Variants in GALNT7 observed in about 807,000 individuals in gnomAD.
GALNT7 encodes the protein N-acetylgalactosaminyltransferase 7.
Under a neutral mutation model 82.1 loss-of-function variants are expected in GALNT7, and 60 were observed. That is an observed-to-expected ratio of 0.73 (90% CI 0.59 to 0.91). The LOEUF (loss-of-function observed/expected upper bound fraction) is 0.91. GALNT7 is among the 40% of genes least tolerant of loss of function. GALNT7 has a pLI of 0.00. For synonymous variants in GALNT7, 243 were observed against 275.1 expected, an observed-to-expected ratio of 0.88 and a Z score of 1.15; for missense variants, 660 against 804.2, an observed-to-expected ratio of 0.82 and a Z score of 2.17.
chr4:173,205,351 C>T (rs1561153337), intron 1 of GALNT7, among the ~76,000 whole-genome samples: 1 of 151,992 alleles, frequency 6.6e-6, no homozygotes, highest in East Asian at 1.9e-4. Flanking sequence ...CTGGGATGGG[C>T]CTGGTACCTA....
At position 173,199,428 on chromosome 4, in the gene GALNT7, C is replaced by T. The variant is rs1200905473; in HGVS notation, c.126+30467C>T. Among the ~76,000 whole-genome samples, 9 of 152,254 alleles carry T rather than the reference C, an allele frequency of 5.9e-5. No individual in the cohort carries two copies. In the East Asian group the frequency reaches 1.7e-3, roughly 29 times the overall value. On this transcript the variant is annotated intron_variant, in intron 1 of 11. Coordinates refer to ENST00000265000, the MANE Select transcript of GALNT7 (RefSeq NM_017423.3). The stretch of plus-strand genomic sequence containing the variant: ...ATATGCAAAGTTGTTAGGACAGTGC[C>T]TGGAACATAAGGACCACATGCTAAA...
intron 1 of GALNT7, among the ~76,000 whole-genome samples, chr4:173,189,907 G>T (rs969415024): frequency 3.3e-5 from 5 of 152,010 alleles, no homozygotes; most frequent in African/African-American, 1.2e-4. Context: ...TGTTGACTCT[G>T]TGTGAACTTT....
intron 2 of GALNT7, among the ~76,000 whole-genome samples, chr4:173,268,574 C>G (rs1447783687): frequency 8.5e-6 from 1 of 117,892 alleles, no homozygotes; most frequent in Non-Finnish European, 1.6e-5. Context: ...GAGTCTCGCT[C>G]TGTAGCCCAG....
intron 5 of GALNT7, among the ~76,000 whole-genome samples, chr4:173,296,825 A>G (rs1736733677): frequency 6.6e-6 from 1 of 152,188 alleles, no homozygotes; most frequent in Admixed American, 6.5e-5. Context: ...TCCAGATTCC[A>G]GTGGCAGATT....
chr4:173,286,405 G>A (rs1736324235), intron 2 of GALNT7, among the ~76,000 whole-genome samples: 1 of 152,334 alleles, frequency 6.6e-6, no homozygotes, highest in Non-Finnish European at 1.5e-5. Context: ...ATATTGTATG[G>A]GTTGTAAACA....
intron 2 of GALNT7, among the ~76,000 whole-genome samples, chr4:173,252,963 G>A (rs1734898100): frequency 1.3e-5 from 2 of 152,284 alleles, no homozygotes; most frequent in East Asian, 1.9e-4. Flanking sequence ...ACTTTCAGAG[G>A]CTGAGGTGGG....
rs1346302256 is a variant in GALNT7, at chr4:173,302,715, G to A, written c.1266+551G>A. ...CTACCCCCATTTTCCAAAAGAAAGAGAGAGAGAACTATATCAGAGTGTGAG... is the reference window on the plus strand; with the variant it reads ...CTACCCCCATTTTCCAAAAGAAAGAAAGAGAGAACTATATCAGAGTGTGAG... On this transcript the variant is annotated intron_variant, in intron 7 of 11. Coordinates refer to ENST00000265000, the MANE Select transcript of GALNT7 (RefSeq NM_017423.3). This position sits in a 1 kb window ranked among gnomAD's most constrained non-coding sequence, Gnocchi z 4.2. Among the ~76,000 whole-genome samples the A allele has an allele frequency of 1.3e-5, 2 of 152,188 alleles. No homozygotes were observed. Among genetic ancestry groups the A allele is most frequent in the African/African-American group, 4.8e-5 (2 of 41,450 alleles).
intron 1 of GALNT7, among the ~76,000 whole-genome samples, chr4:173,216,734 T>A (rs1220562677): frequency 1.6e-4 from 16 of 98,884 alleles, no homozygotes; most frequent in African/African-American, 6.2e-4. Context: ...TATATTTTTT[T>A]TTTTTTTTTT....
At chr4:173,267,005 T>C (rs1056204237) in intron 2 of GALNT7, among the ~76,000 whole-genome samples, 4 of 151,396 alleles carry the variant, frequency 2.6e-5, no homozygotes, top group African/African-American at 9.7e-5. Context: ...TAAGTTCTAA[T>C]GGTCAATAGG....
intron 2 of GALNT7, among the ~76,000 whole-genome samples, chr4:173,272,994 G>C (rs539699663): frequency 6.6e-6 from 1 of 152,264 alleles, no homozygotes; most frequent in East Asian, 1.9e-4. Flanking sequence ...ATTACAACCT[G>C]TCTTGCAACC....
At chr4:173,261,798 G>T (rs932113413) in intron 2 of GALNT7, among the ~76,000 whole-genome samples, 1 of 152,064 alleles carries the variant, frequency 6.6e-6, no homozygotes, top group Non-Finnish European at 1.5e-5. Context: ...CAGCCTGGGG[G>T]ACAGAGCCAG....
At chr4:173,233,392 C>T (rs1002596278) in intron 1 of GALNT7, among the ~76,000 whole-genome samples, 3 of 152,158 alleles carry the variant, frequency 2.0e-5, no homozygotes, top group Non-Finnish European at 4.4e-5. Flanking sequence ...TGTTTGCCAG[C>T]ATTGTTATTT....
intron 1 of GALNT7, among the ~76,000 whole-genome samples, chr4:173,187,795 A>G (rs1479119695): frequency 6.6e-6 from 1 of 152,208 alleles, no homozygotes; most frequent in Non-Finnish European, 1.5e-5. Context: ...AATTTTGTTT[A>G]TTAGTCTTAC....
intron 1 of GALNT7, among the ~76,000 whole-genome samples, chr4:173,176,360 G>T (rs1293139547): frequency 6.6e-6 from 1 of 152,184 alleles, no homozygotes; most frequent in African/African-American, 2.4e-5. Context: ...TGATGGGGGT[G>T]TGTGGCTCTT....
chr4:173,305,056 C>G (rs1028503545), intron 8 of GALNT7, among the ~76,000 whole-genome samples: 1 of 152,082 alleles, frequency 6.6e-6, no homozygotes, highest in Non-Finnish European at 1.5e-5. Flanking sequence ...ATTGCTAGAT[C>G]AGATGATAGT....
intron 11 of GALNT7, among the ~76,000 whole-genome samples, chr4:173,319,780 C>T (rs191102029): frequency 2.0e-4 from 31 of 152,098 alleles, no homozygotes; most frequent in Non-Finnish European, 3.7e-4. Context: ...AGCTAAAGCA[C>T]GCTATTATAT....
chr4:173,289,074 G>A (rs1412799390), intron 2 of GALNT7, among the ~76,000 whole-genome samples: 2 of 152,232 alleles, frequency 1.3e-5, no homozygotes, highest in Admixed American at 6.5e-5. Context: ...CACCCTGACG[G>A]CTGTCGGGGA....
chr4:173,226,935 A>T (rs1344783862), intron 1 of GALNT7, among the ~76,000 whole-genome samples: 1 of 152,214 alleles, frequency 6.6e-6, no homozygotes, highest in Non-Finnish European at 1.5e-5. Flanking sequence ...TAAAAAATAA[A>T]TCATTTCTGA....
chr4:173,256,557 CCCTT>C (rs1050229795), intron 2 of GALNT7, among the ~76,000 whole-genome samples: 13 of 147,106 alleles, frequency 8.8e-5, no homozygotes, highest in Non-Finnish European at 1.5e-4. Flanking sequence ...CTCCCTCCCT[CCCTT>C]CCTTCCTTCC....
Sources: allele counts gnomAD v4.1 joint callset (sites outside exome capture counted in the v4.1 genomes callset), GRCh38; gene constraint gnomAD v4.1.1; non-coding constraint Gnocchi (gnomAD v3.1); transcripts MANE v1.5; gene names NCBI Gene and HGNC (gene_info 2026-07-23, HGNC 2026-07-21).